The following WWP1 variants were observed in gnomAD, a reference collection of about 807,000 sequenced individuals.
The protein encoded by WWP1 is NEDD4-like E3 ubiquitin-protein ligase WWP1.
WWP1 carries 49 observed loss-of-function variants against 130.6 expected under a neutral mutation model. The observed-to-expected ratio is 0.38, with a 90% CI of 0.30 to 0.48. The LOEUF (loss-of-function observed/expected upper bound fraction) is 0.48. Among genes scored for constraint, WWP1 ranks in the 20% least tolerant of loss-of-function variants. The pLI, the probability that WWP1 is intolerant of heterozygous loss-of-function variation, is 0.99. For missense variants in WWP1, 809 were observed against 1,100.6 expected, an observed-to-expected ratio of 0.74 and a Z score of 3.75; for synonymous variants, 332 against 367.8, an observed-to-expected ratio of 0.90 and a Z score of 1.11.
At chr8:86,413,074 G>A (rs547661232) in intron 9 of WWP1, among the ~76,000 whole-genome samples, 2 of 152,208 alleles carry the variant, frequency 1.3e-5, no homozygotes, top group South Asian at 2.1e-4. Context: ...TGATCCACCC[G>A]CCTTGCTTCC....
chr8:86,449,506 T>A (rs1489946712), intron 20 of WWP1, among the ~76,000 whole-genome samples: 2 of 152,248 alleles, frequency 1.3e-5, no homozygotes, highest in Non-Finnish European at 2.9e-5. Flanking sequence ...CCCAAAATAC[T>A]TTTAATATTT....
At chr8:86,346,884 A>T (rs1280441313) in intron 1 of WWP1, among the ~76,000 whole-genome samples, 3 of 152,246 alleles carry the variant, frequency 2.0e-5, no homozygotes, top group African/African-American at 4.8e-5. Flanking sequence ...GAATTGTACT[A>T]TACCTTATGT....
In WWP1 at chr8:86,344,102, A is replaced by T. The variant is rs1020654616; in HGVS notation, c.-115+1172A>T. Among the ~76,000 whole-genome samples, 11 of 152,306 alleles carry T rather than the reference A, an allele frequency of 7.2e-5. No homozygotes were observed. In the South Asian group the frequency reaches 8.3e-4, roughly 11 times the overall value. On this transcript the variant is annotated intron_variant, in intron 1 of 24. Transcript: ENST00000517970. ...ATTGTGTGACTTGTTTTTAGCCATCAAGTAGTAAATTAGCTGCAACTAGAA... is the reference window on the plus strand; with the variant it reads ...ATTGTGTGACTTGTTTTTAGCCATCTAGTAGTAAATTAGCTGCAACTAGAA...
Position 86,362,176 on chromosome 8 carries a change from A to ATATATATAT in WWP1, c.-114-6762_-114-6754dup, listed in dbSNP as rs1339492153. Among the ~76,000 whole-genome samples the ATATATATAT allele has an allele frequency of 6.5e-4, 80 of 122,322 alleles. 2 individuals are homozygous for ATATATATAT. The highest frequency in any genetic ancestry group is 1.1e-3 in the Non-Finnish European group (68 of 59,178). 80.2% of individuals were successfully genotyped at this position (122,322 alleles called of 152,430 possible). On this transcript the variant is annotated intron_variant, in intron 1 of 24. Transcript: ENST00000517970. ...ATATATACAAGGCATATATATATAT[A>ATATATATAT]TATATATATATATATATATATATAT...
chr8:86,411,480 G>A, intron 8 of WWP1, 58 bp from the exon 9 acceptor site: 2 of 1,437,022 alleles, frequency 1.4e-6, no homozygotes, highest in East Asian at 4.6e-5. Flanking sequence ...CAATTGATTA[G>A]GTAATTGATT....
intron 18 of WWP1, among the ~76,000 whole-genome samples, chr8:86,443,243 T>G (rs1190766076): frequency 6.6e-6 from 1 of 151,870 alleles, no homozygotes; most frequent in Non-Finnish European, 1.5e-5. Flanking sequence ...AGCTAATTTT[T>G]TTGTATTTTT....
intron 17 of WWP1, among the ~76,000 whole-genome samples, chr8:86,440,320 T>C (rs1424315283): frequency 6.6e-6 from 1 of 152,218 alleles, no homozygotes; most frequent in Admixed American, 6.5e-5. Context: ...ATTCATGTAT[T>C]GGTGGGCTAG....
rs79029586 is a variant in WWP1, at chr8:86,420,941, A to T, written c.1062-4282A>T. On this transcript the variant is annotated intron_variant, in intron 9 of 24. Coordinates refer to ENST00000517970, the MANE Select transcript of WWP1 (RefSeq NM_007013.4). ...TAAAAATTCAAGGACTGCTTATGGG[A>T]ATTATTACCTAAAAATAGCAAAAGT... is the stretch of plus-strand genomic sequence containing the variant. Among the ~76,000 whole-genome samples the T allele has an allele frequency of 5.9e-5, 9 of 152,330 alleles. No individual in the cohort carries two copies. The East Asian group carries it at 1.7e-3, about 29-fold the overall frequency.
intron 3 of WWP1, among the ~76,000 whole-genome samples, chr8:86,375,504 A>G (rs754866591): frequency 1.3e-5 from 2 of 152,234 alleles, no homozygotes; most frequent in African/African-American, 2.4e-5. Context: ...CATGTGCAGT[A>G]TACGTATCTC....
At chr8:86,351,515 T>C (rs1822917352) in intron 1 of WWP1, among the ~76,000 whole-genome samples, 1 of 151,830 alleles carries the variant, frequency 6.6e-6, no homozygotes, top group African/African-American at 2.4e-5. Context: ...GTTTTTTTTT[T>C]TTTTTAGTAG....
rs570740907 is a variant in WWP1 at position 86,376,297 on chromosome 8, G to C, written c.70+2177G>C. Reference sequence around the variant, plus strand: ...AATAAGAAAAAACTAGGCCAGGCGCGGTGGCTCATGCCTGTAATCCCAGCA... The same window carrying C: ...AATAAGAAAAAACTAGGCCAGGCGCCGTGGCTCATGCCTGTAATCCCAGCA... On this transcript the variant is annotated intron_variant, in intron 3 of 24. Coordinates refer to ENST00000517970, the MANE Select transcript of WWP1 (RefSeq NM_007013.4). Among the ~76,000 whole-genome samples, 505 of 152,294 alleles carry C rather than the reference G, an allele frequency of 3.3e-3. 2 individuals are homozygous for C. The highest frequency in any genetic ancestry group is 5.6e-3 in the Non-Finnish European group (381 of 68,034).
intron 24 of WWP1, among the ~76,000 whole-genome samples, chr8:86,464,900 T>C (rs1811959627): frequency 6.8e-6 from 1 of 147,830 alleles, no homozygotes; most frequent in Non-Finnish European, 1.5e-5. Flanking sequence ...TAGATCCATA[T>C]GTATACACAC....
chr8:86,351,967 C>G (rs1822957094), intron 1 of WWP1, among the ~76,000 whole-genome samples: 1 of 151,056 alleles, frequency 6.6e-6, no homozygotes, highest in Non-Finnish European at 1.5e-5. Context: ...TTGGTAGAAA[C>G]TGAATTGGTT....
intron 8 of WWP1, among the ~76,000 whole-genome samples, chr8:86,405,661 A>T (rs1808239125): frequency 6.6e-6 from 1 of 151,908 alleles, no homozygotes; most frequent in Non-Finnish European, 1.5e-5. Flanking sequence ...CCCCCTGAAT[A>T]GTTGGGACTA....
chr8:86,361,170 G>A (rs981373436), intron 1 of WWP1, among the ~76,000 whole-genome samples: 1 of 152,148 alleles, frequency 6.6e-6, no homozygotes, highest in Admixed American at 6.5e-5. Context: ...GAAGAGTGGG[G>A]CAGGAAGACC....
At chr8:86,411,441 G>A (rs1442961709) in intron 8 of WWP1, 97 bp from the exon 9 acceptor site, 16 of 1,025,236 alleles carry the variant, frequency 1.6e-5, no homozygotes, top group Non-Finnish European at 8.5e-6. Context: ...TAGTTGCTTA[G>A]TCTGGATTAG....
At position 86,371,406 on chromosome 8, in the gene WWP1, A is replaced by G. The variant is rs148422464; in HGVS notation, c.-22+2375A>G. 4.1e-4 allele frequency among the ~76,000 whole-genome samples: 62 copies of G among 152,328 alleles called. 1 individual carries two copies. The highest frequency in any genetic ancestry group is 1.4e-3 in the African/African-American group (60 of 41,580). ...ATACAAATGTTTAGCTTTAAATGATAATGCCAAATTATTTTCCAACAGGAT... is the reference window on the plus strand; with the variant it reads ...ATACAAATGTTTAGCTTTAAATGATGATGCCAAATTATTTTCCAACAGGAT... On this transcript the variant is annotated intron_variant, in intron 2 of 24. Coordinates refer to ENST00000517970, the MANE Select transcript of WWP1 (RefSeq NM_007013.4).
In WWP1 at chr8:86,427,802, A is replaced by G. The variant is rs1298626039; in HGVS notation, c.1317A>G (p.Gln439=). The G allele has an allele frequency of 1.2e-6, 2 of 1,611,768 alleles. No homozygotes were observed. The highest frequency in any genetic ancestry group is 4.5e-5 in the East Asian group (2 of 44,800). ...QLQGAMQQFN[Q]RYLYSASMLA... ...AGGGAGCTATGCAACAGTTTAACCAACGATACCTCTATTCGGTAATTAGCA... is the reference window on the plus strand; with the variant it reads ...AGGGAGCTATGCAACAGTTTAACCAGCGATACCTCTATTCGGTAATTAGCA... The change falls in exon 11 of 25, where the codon CAA becomes CAG. Residue 439 remains glutamine, a synonymous_variant. Coordinates refer to ENST00000517970, the MANE Select transcript of WWP1 (RefSeq NM_007013.4).
intron 24 of WWP1, among the ~76,000 whole-genome samples, chr8:86,463,002 G>A (rs2130121759): frequency 6.6e-6 from 1 of 152,192 alleles, no homozygotes; most frequent in Admixed American, 6.5e-5. Flanking sequence ...GACAAAATAG[G>A]AAGTCTGAAA....
Sources: allele counts gnomAD v4.1 joint callset (sites outside exome capture counted in the v4.1 genomes callset), GRCh38; gene constraint gnomAD v4.1.1; transcripts MANE v1.5; gene names NCBI Gene and HGNC (gene_info 2026-07-23, HGNC 2026-07-21).